The following MMP16 variants were observed in gnomAD, a reference collection of about 807,000 sequenced individuals.
MMP16 encodes the protein matrix metallopeptidase 16.
A neutral mutation model predicts 67.8 loss-of-function variants in MMP16; 12 were observed. The ratio of observed to expected loss-of-function variants is 0.18; its 90% CI spans 0.11 to 0.29. The LOEUF (loss-of-function observed/expected upper bound fraction) is 0.29, where lower values mean the gene tolerates loss of function less well. Among genes scored for constraint, MMP16 ranks in the 10% least tolerant of loss-of-function variants. The pLI is 1.00. For missense variants in MMP16, 475 were observed against 765.7 expected, an observed-to-expected ratio of 0.62 and a Z score of 4.48; for synonymous variants, 249 against 255.9, an observed-to-expected ratio of 0.97 and a Z score of 0.26.
chr8:88,292,703 A>G (rs1452783165), intron 1 of MMP16, among the ~76,000 whole-genome samples: 1 of 152,206 alleles, frequency 6.6e-6, no homozygotes, highest in East Asian at 1.9e-4. Flanking sequence ...GTATTCATAA[A>G]AAGCTAAATA....
chr8:88,226,117 GCA>G (rs1393383965), intron 1 of MMP16, among the ~76,000 whole-genome samples: 1 of 151,030 alleles, frequency 6.6e-6, no homozygotes, highest in Non-Finnish European at 1.5e-5. Context: ...ACACACACAC[GCA>G]CACACACACA....
intron 7 of MMP16, among the ~76,000 whole-genome samples, chr8:88,063,511 G>A (rs1232234276): frequency 7.0e-6 from 1 of 143,774 alleles, no homozygotes; most frequent in Non-Finnish European, 1.5e-5. Flanking sequence ...GAAGGACAAT[G>A]CTTACTCTGG....
intron 3 of MMP16, among the ~76,000 whole-genome samples, chr8:88,174,533 C>A (rs1206191230): frequency 6.6e-6 from 1 of 152,176 alleles, no homozygotes; most frequent in Non-Finnish European, 1.5e-5. Context: ...TAAGTGAATA[C>A]ATTTTTGGTT....
At chr8:88,223,669 A>T (rs976821105) in intron 1 of MMP16, among the ~76,000 whole-genome samples, 18 of 123,872 alleles carry the variant, frequency 1.5e-4, no homozygotes, top group Admixed American at 1.0e-3. Context: ...AGGGTGCAGA[A>T]CATCACACAC....
intron 3 of MMP16, among the ~76,000 whole-genome samples, chr8:88,176,847 T>A (rs975456620): frequency 8.5e-5 from 13 of 152,180 alleles, no homozygotes; most frequent in African/African-American, 2.7e-4. Flanking sequence ...CTTCATATCT[T>A]GTGGGTGGGA....
Position 88,308,366 on chromosome 8 carries a change from AG to A in MMP16, c.132+18708del, listed in dbSNP as rs1340003192. On this transcript the variant is annotated intron_variant, in intron 1 of 9. Transcript: ENST00000286614. The stretch of plus-strand genomic sequence containing the variant: ...CTCTATAATGCTTTTGCCATTATCA[AG>A]GGAACATGTTCTATCTTGTCAGTGG... 3.9e-5 allele frequency among the ~76,000 whole-genome samples: 6 copies of A among 152,232 alleles called. No homozygotes were observed. The East Asian group carries it at 5.8e-4, about 15-fold the overall frequency.
intron 1 of MMP16, among the ~76,000 whole-genome samples, chr8:88,212,710 C>T (rs1809531207): frequency 6.6e-6 from 1 of 152,064 alleles, no homozygotes; most frequent in Non-Finnish European, 1.5e-5. Flanking sequence ...ACCATAAATC[C>T]TGTTTTCTAC....
rs143143187 is a variant in MMP16 at position 88,240,487 on chromosome 8, G to A, written c.133-43181C>T. Among the ~76,000 whole-genome samples, 1,422 of 152,286 alleles carry A rather than the reference G, an allele frequency of 9.3e-3. 15 individuals are homozygous for A. Among genetic ancestry groups the A allele is most frequent in the South Asian group, 0.035 (170 of 4,820 alleles). Reference sequence around the variant, plus strand: ...GAGGGATGAAGGTAGAAAAGCAGGTGAGGCAAGATGCTGGGTCTTGCAAAG... The same window carrying A: ...GAGGGATGAAGGTAGAAAAGCAGGTAAGGCAAGATGCTGGGTCTTGCAAAG... On this transcript the variant is annotated intron_variant, in intron 1 of 9. Transcript: ENST00000286614.
intron 1 of MMP16, among the ~76,000 whole-genome samples, chr8:88,316,518 T>TCCA (rs1210103534): frequency 6.6e-6 from 1 of 152,194 alleles, no homozygotes; most frequent in African/African-American, 2.4e-5. Context: ...GATGACAGCA[T>TCCA]ATCTTTTTAC....
At chr8:88,247,138 G>A (rs112605060) in intron 1 of MMP16, among the ~76,000 whole-genome samples, 2 of 152,078 alleles carry the variant, frequency 1.3e-5, no homozygotes, top group African/African-American at 4.8e-5. Flanking sequence ...CAGGGTAGGG[G>A]CACGGTCAAC....
At chr8:88,178,069 C>A (rs546332354) in intron 3 of MMP16, among the ~76,000 whole-genome samples, 124 of 151,844 alleles carry the variant, frequency 8.2e-4, no homozygotes, top group African/African-American at 2.9e-3. Context: ...TACAACCTAA[C>A]CCCTAACTAG....
chr8:88,104,836 G>C (rs1171566189), intron 6 of MMP16, among the ~76,000 whole-genome samples: 1 of 150,640 alleles, frequency 6.6e-6, no homozygotes, highest in African/African-American at 2.4e-5. Flanking sequence ...GAGTGTTTGT[G>C]TCTTAGTTTT....
intron 6 of MMP16, among the ~76,000 whole-genome samples, chr8:88,099,702 A>G (rs993040747): frequency 6.6e-6 from 1 of 151,906 alleles, no homozygotes; most frequent in Admixed American, 6.6e-5. Context: ...TATTTAAAAA[A>G]ACAAAAAACA....
chr8:88,272,613 A>T (rs2129975589), intron 1 of MMP16, among the ~76,000 whole-genome samples: 1 of 152,330 alleles, frequency 6.6e-6, no homozygotes, highest in Non-Finnish European at 1.5e-5. Context: ...TTGGTAAGTA[A>T]ATGTGATCAC....
chr8:88,046,932 T>G, intron 8 of MMP16, 148 bp from the exon 9 acceptor site: 2 of 485,106 alleles, frequency 4.1e-6, no homozygotes. Flanking sequence ...TTTACAGAAC[T>G]CCAACTGGCA....
intron 4 of MMP16, among the ~76,000 whole-genome samples, chr8:88,133,755 A>T (rs903153564): frequency 6.6e-6 from 1 of 151,850 alleles, no homozygotes; most frequent in Non-Finnish European, 1.5e-5. Flanking sequence ...CATTATTAAA[A>T]TTTTAATATA....
chr8:88,259,662 A>T (rs1810356942), intron 1 of MMP16, among the ~76,000 whole-genome samples: 1 of 152,154 alleles, frequency 6.6e-6, no homozygotes. Flanking sequence ...AGGGGAAGGG[A>T]TTCCCAACCA....
At chr8:88,101,879 C>A (rs1809150894) in intron 6 of MMP16, among the ~76,000 whole-genome samples, 1 of 151,822 alleles carries the variant, frequency 6.6e-6, no homozygotes, top group Admixed American at 6.6e-5. Context: ...TGCTATCTGG[C>A]TGTCTCTGAT....
intron 6 of MMP16, among the ~76,000 whole-genome samples, chr8:88,084,017 T>C (rs1166064524): frequency 6.6e-6 from 1 of 152,012 alleles, no homozygotes; most frequent in Non-Finnish European, 1.5e-5. Flanking sequence ...AACGCTTGCC[T>C]AACTACAGTA....
Sources: allele counts gnomAD v4.1 joint callset (sites outside exome capture counted in the v4.1 genomes callset), GRCh38; gene constraint gnomAD v4.1.1; transcripts MANE v1.5; gene names NCBI Gene and HGNC (gene_info 2026-07-23, HGNC 2026-07-21).